Variants in LHFPL2 observed in about 807,000 individuals in gnomAD.
LHFPL2 encodes LHFPL tetraspan subfamily member 2 protein.
LHFPL2 carries 7 observed loss-of-function variants against 17.5 expected under a neutral mutation model. The ratio of observed to expected loss-of-function variants is 0.40; its 90% CI spans 0.23 to 0.75. The LOEUF is 0.75. Among genes scored for constraint, LHFPL2 ranks in the 30% least tolerant of loss-of-function variants. The pLI is 0.37. For missense variants in LHFPL2, 241 were observed against 294.8 expected (o/e 0.82, Z 1.34); for synonymous variants, 134 against 116.2 (o/e 1.15, Z -0.99).
At chr5:78,497,413 C>T (rs1247281899) in intron 4 of LHFPL2, among the ~76,000 whole-genome samples, 1 of 152,208 alleles carries the variant, frequency 6.6e-6, no homozygotes, top group Non-Finnish European at 1.5e-5. Context: ...CTCTACCCTA[C>T]TGCACACTAC....
rs537707527 is a variant in LHFPL2, at chr5:78,525,119, C to T, written c.-185-14721G>A. 4.6e-5 allele frequency among the ~76,000 whole-genome samples: 7 copies of T among 152,150 alleles called. 1 individual carries two copies. The highest frequency in any genetic ancestry group is 2.1e-4 in the South Asian group (1 of 4,830). On this transcript the variant is annotated intron_variant, in intron 3 of 4. Transcript: ENST00000380345. Reference sequence around the variant, plus strand: ...TATATGCCAGTAGCGCGCTCTCAGTCGTGGCCAAAAACAATGTCTTTAGAC... The same window carrying T: ...TATATGCCAGTAGCGCGCTCTCAGTTGTGGCCAAAAACAATGTCTTTAGAC...
intron 1 of LHFPL2, chr5:78,644,482 A>G: frequency 1.6e-6 from 1 of 612,618 alleles, no homozygotes; most frequent in Non-Finnish European, 3.0e-6. Flanking sequence ...TTTACAACTC[A>G]CCAATGGTAG....
chr5:78,568,554 T>C (rs1385316296), intron 2 of LHFPL2, among the ~76,000 whole-genome samples: 2 of 152,236 alleles, frequency 1.3e-5, no homozygotes, highest in Non-Finnish European at 2.9e-5. Context: ...CTGATTTGAA[T>C]TGTTTCATGT....
intron 2 of LHFPL2, among the ~76,000 whole-genome samples, chr5:78,618,920 C>A (rs1744725747): frequency 6.6e-6 from 1 of 152,176 alleles, no homozygotes; most frequent in Admixed American, 6.5e-5. Context: ...CGGGACACAG[C>A]AGAATGGTAT....
At chr5:78,489,228 C>G (rs1754357314) in intron 4 of LHFPL2, 75 bp from the exon 5 acceptor site, 1 of 1,548,586 alleles carries the variant, frequency 6.5e-7, no homozygotes, top group African/African-American at 1.4e-5. Context: ...GTAATTGTTA[C>G]TTGATTTGCT....
At chr5:78,610,126 T>A (rs981337161) in intron 2 of LHFPL2, among the ~76,000 whole-genome samples, 1 of 151,806 alleles carries the variant, frequency 6.6e-6, no homozygotes, top group Admixed American at 6.6e-5. Flanking sequence ...CAGACCCCAC[T>A]CAAGTCACCC....
chr5:78,582,595 T>C (rs1743188001), intron 2 of LHFPL2, among the ~76,000 whole-genome samples: 1 of 151,748 alleles, frequency 6.6e-6, no homozygotes, highest in African/African-American at 2.4e-5. Flanking sequence ...GTTGAGCGGT[T>C]TTGAGTGAGA....
At chr5:78,548,911 T>C (rs1756361160) in intron 3 of LHFPL2, 2 of 152,214 alleles carry the variant, frequency 1.3e-5, no homozygotes, top group Admixed American at 1.3e-4. Flanking sequence ...GATAAGAAAA[T>C]TGTATTTTTC....
intron 2 of LHFPL2, among the ~76,000 whole-genome samples, chr5:78,575,384 T>C (rs945790058): frequency 5.3e-5 from 8 of 152,034 alleles, no homozygotes; most frequent in African/African-American, 1.9e-4. Flanking sequence ...CCGTCTCTAC[T>C]AAAAATACAA....
chr5:78,596,701 A>G (rs1020387838), intron 2 of LHFPL2, among the ~76,000 whole-genome samples: 6 of 152,210 alleles, frequency 3.9e-5, no homozygotes, highest in African/African-American at 7.2e-5. Context: ...ATGGTCCCAG[A>G]ACCCAGCTAG....
At chr5:78,521,494 T>C (rs747449547) in intron 3 of LHFPL2, among the ~76,000 whole-genome samples, 11 of 152,256 alleles carry the variant, frequency 7.2e-5, no homozygotes, top group Non-Finnish European at 1.6e-4. Flanking sequence ...CAATTTTATT[T>C]GGCATTATCA....
At chr5:78,604,338 G>A (rs936160368) in intron 2 of LHFPL2, among the ~76,000 whole-genome samples, 2 of 151,900 alleles carry the variant, frequency 1.3e-5, no homozygotes, top group Non-Finnish European at 2.9e-5. Flanking sequence ...TTGGCTGGGC[G>A]TGGTGGTGGG....
chr5:78,511,548 AC>A (rs1755124920), intron 3 of LHFPL2, among the ~76,000 whole-genome samples: 1 of 152,216 alleles, frequency 6.6e-6, no homozygotes, highest in Non-Finnish European at 1.5e-5. Context: ...GATCTCATTA[AC>A]CGAGGTCAAA....
At chr5:78,551,999 C>T (rs1366668670) in intron 3 of LHFPL2, among the ~76,000 whole-genome samples, 1 of 152,184 alleles carries the variant, frequency 6.6e-6, no homozygotes, top group African/African-American at 2.4e-5. Flanking sequence ...CCTGTTCATA[C>T]TCTGTTGAAC....
chr5:78,544,908 T>C lies in LHFPL2; in HGVS notation c.-186+19905A>G, dbSNP rs923930584. On this transcript the variant is annotated intron_variant, in intron 3 of 4. Coordinates refer to ENST00000380345, the MANE Select transcript of LHFPL2 (RefSeq NM_005779.3). Reference sequence around the variant, plus strand: ...TTTTCTTTCTTGTCTTTTCTTTTTTTAAAAGAAAAAATTCCCTAACCAAAA... The same window carrying C: ...TTTTCTTTCTTGTCTTTTCTTTTTTCAAAAGAAAAAATTCCCTAACCAAAA... 2.6e-4 allele frequency among the ~76,000 whole-genome samples: 40 copies of C among 152,182 alleles called. 1 individual carries two copies.
intron 1 of LHFPL2, among the ~76,000 whole-genome samples, chr5:78,633,889 G>A (rs747063309): frequency 2.0e-5 from 3 of 152,104 alleles, no homozygotes; most frequent in Non-Finnish European, 4.4e-5. Flanking sequence ...CCTAGATACA[G>A]AATCTGACCA....
intron 3 of LHFPL2, among the ~76,000 whole-genome samples, chr5:78,533,030 C>T (rs1300746076): frequency 6.6e-6 from 1 of 152,216 alleles, no homozygotes; most frequent in South Asian, 2.1e-4. Context: ...CTTGTCCTCT[C>T]TCCTCTCCCT....
chr5:78,520,099 G>A (rs1475017105), intron 3 of LHFPL2, among the ~76,000 whole-genome samples: 7 of 152,166 alleles, frequency 4.6e-5, no homozygotes, highest in South Asian at 2.1e-4. Context: ...AACTGTGCAC[G>A]GAGAGCCAGG....
At position 78,486,919 on chromosome 5, in the gene LHFPL2, A is replaced by ATTTTGTGTTTTTCATCAAGGT. The variant is rs1421118091; in HGVS notation, c.*1957_*1977dup. The ATTTTGTGTTTTTCATCAAGGT allele has an allele frequency of 6.6e-6, 1 of 152,180 alleles. No individual in the cohort carries two copies. Among genetic ancestry groups the ATTTTGTGTTTTTCATCAAGGT allele is most frequent in the African/African-American group, 2.4e-5 (1 of 41,436 alleles). 9.4% of individuals were successfully genotyped at this position (152,180 alleles called of 1,614,324 possible). A position where few individuals can be genotyped will look rare whatever the true frequency, so the allele number is the denominator to read the frequency against. ...AGTCTTCTGATAAGTTTATGGAAAA[A>ATTTTGTGTTTTTCATCAAGGT]TTTTGTGTTTTTCATCAAGGTTTGA... On this transcript the variant is annotated 3_prime_UTR_variant, in exon 5 of 5. Transcript: ENST00000380345.
Sources: gnomAD v4.1 joint callset for allele counts (sites outside exome capture counted in the v4.1 genomes callset) on GRCh38, gnomAD v4.1.1 for gene constraint, MANE v1.5 for transcripts, NCBI Gene and HGNC (gene_info 2026-07-23, HGNC 2026-07-21) for gene names.